The following LRP1B variants were observed in gnomAD, a reference collection of about 807,000 sequenced individuals.
The protein encoded by LRP1B is low-density lipoprotein receptor-related protein 1B.
A neutral mutation model predicts 556.6 loss-of-function variants in LRP1B; 217 were observed. The observed-to-expected ratio is 0.39, with a 90% CI of 0.35 to 0.44. The LOEUF is 0.44. Ranked by LOEUF, LRP1B falls within the 20% of genes least tolerant of loss-of-function variation. LRP1B has a pLI of 1.00. For synonymous variants in LRP1B, 2,047 were observed against 1,865.8 expected (o/e 1.10, Z -2.50); for missense variants, 5,053 against 5,620.8 (o/e 0.90, Z 3.23).
At chr2:140,814,730 G>A (rs755744991) in intron 31 of LRP1B, among the ~76,000 whole-genome samples, 36 of 152,160 alleles carry the variant, frequency 2.4e-4, no homozygotes, top group Non-Finnish European at 3.7e-4. Context: ...AGCTCATTTG[G>A]TGGTTGATAT....
At chr2:141,405,428 C>T (rs1272190536) in intron 3 of LRP1B, among the ~76,000 whole-genome samples, 1 of 152,070 alleles carries the variant, frequency 6.6e-6, no homozygotes, top group African/African-American at 2.4e-5. Context: ...GTCATAATCA[C>T]ATAATTTATA....
intron 43 of LRP1B, among the ~76,000 whole-genome samples, chr2:140,588,825 G>A (rs1168892820): frequency 2.0e-5 from 2 of 102,440 alleles, no homozygotes; most frequent in Non-Finnish European, 4.1e-5. Context: ...CGGGTGTGGT[G>A]GCACACGCCT....
chr2:140,550,616 C>A (rs980260413), intron 43 of LRP1B, among the ~76,000 whole-genome samples: 10 of 152,234 alleles, frequency 6.6e-5, no homozygotes, highest in African/African-American at 2.2e-4. Flanking sequence ...TCCAAACACA[C>A]ACACACATGC....
intron 7 of LRP1B, among the ~76,000 whole-genome samples, chr2:141,138,275 A>G (rs1701539554): frequency 1.3e-5 from 2 of 152,020 alleles, no homozygotes; most frequent in South Asian, 2.1e-4. Flanking sequence ...CTTCAAATAG[A>G]TAACGGGATT....
intron 2 of LRP1B, among the ~76,000 whole-genome samples, chr2:141,796,685 C>T (rs1348024785): frequency 6.7e-6 from 1 of 149,106 alleles, no homozygotes; most frequent in East Asian, 2.0e-4. Flanking sequence ...GTCAACATAA[C>T]AGAGACAGCT....
At chr2:141,240,966 G>T (rs990114798) in intron 5 of LRP1B, among the ~76,000 whole-genome samples, 1 of 152,038 alleles carries the variant, frequency 6.6e-6, no homozygotes, top group Non-Finnish European at 1.5e-5. Flanking sequence ...TCTGTTTCTG[G>T]AAAGAAGATT....
In LRP1B at chr2:141,020,112, A is replaced by G. The variant is rs775446240; in HGVS notation, c.1790-10T>C. ...TCTACATTATCCAGATCTATAAAAA[A>G]AGCAAAAACAAGAAAGAAATTGCTT... is the stretch of plus-strand genomic sequence containing the variant. On this transcript the variant is annotated splice_polypyrimidine_tract_variant and intron_variant, in intron 11 of 90. Transcript: ENST00000389484. 7 of 1,468,194 alleles carry G rather than the reference A, an allele frequency of 4.8e-6. No homozygotes were observed. The highest frequency in any genetic ancestry group is 6.4e-6 in the Non-Finnish European group (7 of 1,102,076). The allele number at this position is 1,468,194 out of a possible 1,614,324, so 90.9% of individuals were successfully genotyped here. A position where few individuals can be genotyped will look rare whatever the true frequency, so the allele number is the denominator to read the frequency against.
At chr2:141,580,340 G>A (rs180768888) in intron 2 of LRP1B, among the ~76,000 whole-genome samples, 159 of 152,242 alleles carry the variant, frequency 1.0e-3, no homozygotes, top group Non-Finnish European at 1.9e-3. Context: ...CAACTTCTTG[G>A]ACGTAACTAA....
At chr2:141,537,919 A>G (rs969697698) in intron 2 of LRP1B, among the ~76,000 whole-genome samples, 3 of 152,036 alleles carry the variant, frequency 2.0e-5, no homozygotes, top group Non-Finnish European at 4.4e-5. Context: ...CACCCATAAC[A>G]CTGTGTCTCA....
Position 141,131,821 on chromosome 2 carries a change from T to C in LRP1B, c.1013+56600A>G, listed in dbSNP as rs538919409. Among the ~76,000 whole-genome samples, 84 of 151,792 alleles carry C rather than the reference T, an allele frequency of 5.5e-4. 1 individual carries two copies. The highest frequency in any genetic ancestry group is 2.4e-3 in the Admixed American group (37 of 15,238). ...GAATATTATGAATTCTCTCATACTG[T>C]TGTCCCCAAACAGCATTTTTTTTTA... On this transcript the variant is annotated intron_variant, in intron 7 of 90. Transcript: ENST00000389484.
chr2:140,709,352 G>T (rs575671812), intron 37 of LRP1B, among the ~76,000 whole-genome samples: 1 of 152,020 alleles, frequency 6.6e-6, no homozygotes, highest in East Asian at 1.9e-4. Context: ...TCAGCATGGA[G>T]AAAATTATTA....
chr2:142,057,445 T>G (rs1372342677), intron 1 of LRP1B, among the ~76,000 whole-genome samples: 1 of 152,054 alleles, frequency 6.6e-6, no homozygotes, highest in Non-Finnish European at 1.5e-5. Context: ...TTGTCAAATA[T>G]CTCTTCCAAA....
At chr2:140,793,531 C>T (rs1468341931) in intron 32 of LRP1B, among the ~76,000 whole-genome samples, 1 of 151,790 alleles carries the variant, frequency 6.6e-6, no homozygotes, top group Non-Finnish European at 1.5e-5. Flanking sequence ...AATTTACTGA[C>T]TAGAAATATA....
At chr2:141,974,373 C>A (rs1319962062) in intron 1 of LRP1B, among the ~76,000 whole-genome samples, 1 of 151,976 alleles carries the variant, frequency 6.6e-6, no homozygotes, top group Non-Finnish European at 1.5e-5. Context: ...GTTCAGAGAT[C>A]AAGGAACTGG....
chr2:141,161,238 G>A (rs73962835), intron 7 of LRP1B, among the ~76,000 whole-genome samples: 2,771 of 152,002 alleles, frequency 0.018, 77 homozygotes, highest in African/African-American at 0.064. Flanking sequence ...AACAAACATG[G>A]GATCCTTTCA....
intron 7 of LRP1B, among the ~76,000 whole-genome samples, chr2:141,071,880 C>A (rs566973980): frequency 1.5e-4 from 23 of 152,158 alleles, no homozygotes; most frequent in Non-Finnish European, 3.1e-4. Flanking sequence ...GAAGAACATT[C>A]CATGCTCATG....
intron 1 of LRP1B, among the ~76,000 whole-genome samples, chr2:141,996,457 A>G (rs945746606): frequency 6.6e-6 from 1 of 152,230 alleles, no homozygotes; most frequent in African/African-American, 2.4e-5. Flanking sequence ...TTACTTTGCA[A>G]GGTAGTACTG....
chr2:142,056,690 G>C (rs1435574217), intron 1 of LRP1B, among the ~76,000 whole-genome samples: 3 of 151,940 alleles, frequency 2.0e-5, no homozygotes, highest in East Asian at 3.9e-4. Context: ...TTGTTATTTT[G>C]TCCTTGCCAT....
intron 1 of LRP1B, among the ~76,000 whole-genome samples, chr2:142,111,130 G>T (rs1230748353): frequency 6.6e-6 from 1 of 152,082 alleles, no homozygotes; most frequent in South Asian, 2.1e-4. Flanking sequence ...GGGCAAAACT[G>T]GAGATCCAGA....
Sources: gnomAD v4.1 joint callset for allele counts (sites outside exome capture counted in the v4.1 genomes callset) on GRCh38, gnomAD v4.1.1 for gene constraint, MANE v1.5 for transcripts, NCBI Gene and HGNC (gene_info 2026-07-23, HGNC 2026-07-21) for gene names.